PDE4D: variants seen among roughly 807,000 people sequenced by gnomAD.
PDE4D encodes the protein 3',5'-cyclic-AMP phosphodiesterase 4D.
A neutral mutation model predicts 87.4 loss-of-function variants in PDE4D; 24 were observed. The ratio of observed to expected loss-of-function variants is 0.27; its 90% CI spans 0.20 to 0.39. PDE4D has a LOEUF of 0.39. Among genes scored for constraint, PDE4D ranks in the 10% least tolerant of loss-of-function variants. The pLI is 1.00. For synonymous variants in PDE4D, 384 were observed against 383.2 expected, an observed-to-expected ratio of 1.00 and a Z score of -0.02; for missense variants, 714 against 1,041.0, an observed-to-expected ratio of 0.69 and a Z score of 4.32.
chr5:60,049,571 T>G (rs562121728), intron 2 of PDE4D, among the ~76,000 whole-genome samples: 86 of 152,300 alleles, frequency 5.6e-4, no homozygotes, highest in African/African-American at 2.0e-3. Context: ...TGTTTGTTAG[T>G]TTTCCTTCTA....
chr5:59,226,760 T>C (rs1027727701), intron 1 of PDE4D, among the ~76,000 whole-genome samples: 3 of 152,174 alleles, frequency 2.0e-5, no homozygotes, highest in Admixed American at 1.3e-4. Context: ...ATGAGGTCCA[T>C]ATTTGCAGTA....
intron 1 of PDE4D, among the ~76,000 whole-genome samples, chr5:59,243,983 T>C (rs764484282): frequency 1.3e-5 from 2 of 152,066 alleles, no homozygotes; most frequent in East Asian, 3.9e-4. Flanking sequence ...TGCCCAACAA[T>C]GAAAGAATGG....
At chr5:59,128,427 A>C (rs970114995) in intron 5 of PDE4D, among the ~76,000 whole-genome samples, 2 of 152,192 alleles carry the variant, frequency 1.3e-5, no homozygotes, top group African/African-American at 4.8e-5. Context: ...TCAAAAGCTG[A>C]ATTCACAAGG....
At chr5:59,929,163 A>C (rs1450595985) in intron 3 of PDE4D, among the ~76,000 whole-genome samples, 8 of 152,060 alleles carry the variant, frequency 5.3e-5, no homozygotes, top group Non-Finnish European at 1.0e-4. Flanking sequence ...TACACAGGTG[A>C]AGATGAATTT....
intron 2 of PDE4D, among the ~76,000 whole-genome samples, chr5:60,056,840 A>G (rs961532509): frequency 6.6e-6 from 1 of 152,068 alleles, no homozygotes; most frequent in Non-Finnish European, 1.5e-5. Flanking sequence ...ACATACACAC[A>G]CAAACATGAG....
intron 1 of PDE4D, among the ~76,000 whole-genome samples, chr5:59,322,275 A>G (rs1774857694): frequency 6.6e-6 from 1 of 152,124 alleles, no homozygotes; most frequent in South Asian, 2.1e-4. Flanking sequence ...TCATTCACTC[A>G]GTATTGCTGG....
At chr5:60,241,463 G>A (rs1029279234) in intron 1 of PDE4D, among the ~76,000 whole-genome samples, 4 of 151,846 alleles carry the variant, frequency 2.6e-5, no homozygotes, top group Admixed American at 6.6e-5. Flanking sequence ...TAGTAGAGAC[G>A]TGGTTTCACC....
chr5:59,112,198 T>C (rs1115728), intron 5 of PDE4D, among the ~76,000 whole-genome samples: 45,597 of 151,912 alleles, frequency 0.3, 7,525 homozygotes, highest in Middle Eastern at 0.43. Flanking sequence ...ACCAAGGTCT[T>C]AAAATGGAAG....
At chr5:60,149,639 G>A (rs1421354051) in intron 2 of PDE4D, among the ~76,000 whole-genome samples, 2 of 151,678 alleles carry the variant, frequency 1.3e-5, no homozygotes, top group Non-Finnish European at 2.9e-5. Flanking sequence ...TCTTCCAACT[G>A]GCCATTTAGA....
At chr5:59,456,142 G>T (rs1227365450) in intron 1 of PDE4D, among the ~76,000 whole-genome samples, 2 of 152,138 alleles carry the variant, frequency 1.3e-5, no homozygotes, top group East Asian at 1.9e-4. Flanking sequence ...GAGGATATGA[G>T]ATTTGGGAGG....
chr5:60,249,715 T>C (rs1443222701), intron 1 of PDE4D, among the ~76,000 whole-genome samples: 3 of 151,998 alleles, frequency 2.0e-5, no homozygotes, highest in South Asian at 2.1e-4. Context: ...TAGGCATACC[T>C]ACTTCTGAAA....
chr5:59,263,834 G>C (rs1561839781), intron 1 of PDE4D, among the ~76,000 whole-genome samples: 2 of 151,860 alleles, frequency 1.3e-5, no homozygotes, highest in Non-Finnish European at 2.9e-5. Flanking sequence ...GGTGGGGGCA[G>C]GGGCTTAAAG....
intron 1 of PDE4D, among the ~76,000 whole-genome samples, chr5:59,818,976 G>C (rs1310662160): frequency 6.6e-6 from 1 of 152,082 alleles, no homozygotes; most frequent in East Asian, 1.9e-4. Context: ...ATTTACTGTG[G>C]TCCCCAATGT....
intron 3 of PDE4D, among the ~76,000 whole-genome samples, chr5:59,969,774 C>T (rs1448461839): frequency 6.6e-6 from 1 of 152,152 alleles, no homozygotes; most frequent in Non-Finnish European, 1.5e-5. Flanking sequence ...TTGCTGCCAC[C>T]ACGTGAAGAA....
In PDE4D at chr5:58,975,113, G is replaced by A. The variant is rs867381088; in HGVS notation, c.2014-33C>T. 3.1e-6 allele frequency: 4 copies of A among 1,308,378 alleles called. No individual in the cohort carries two copies. Among genetic ancestry groups the A allele is most frequent in the Middle Eastern group, 2.0e-4 (1 of 4,924 alleles). 81.0% of individuals were successfully genotyped at this position (1,308,378 alleles called of 1,614,324 possible). A position where few individuals can be genotyped will look rare whatever the true frequency, so the allele number is the denominator to read the frequency against. On this transcript the variant is annotated intron_variant, in intron 14 of 14. Coordinates refer to ENST00000340635, the MANE Select transcript of PDE4D (RefSeq NM_001104631.2). This position sits in a 1 kb window ranked among gnomAD's most constrained non-coding sequence, Gnocchi z 4.2. ...AGAAAAAAATCCAGTATGAGTAGAGGACTTGGGACTAAGAAACAATGGAAA... is the reference window on the plus strand; with the variant it reads ...AGAAAAAAATCCAGTATGAGTAGAGAACTTGGGACTAAGAAACAATGGAAA...
At chr5:60,105,413 A>G (rs1283620719) in intron 2 of PDE4D, among the ~76,000 whole-genome samples, 1 of 152,240 alleles carries the variant, frequency 6.6e-6, no homozygotes, top group Non-Finnish European at 1.5e-5. Context: ...GATGGGGAGA[A>G]TGGAACCAAG....
chr5:60,115,653 G>A (rs1373505093), intron 2 of PDE4D, among the ~76,000 whole-genome samples: 1 of 151,974 alleles, frequency 6.6e-6, no homozygotes, highest in Non-Finnish European at 1.5e-5. Flanking sequence ...GCCAGTTAGT[G>A]ACAGAATTGC....
chr5:59,988,535 G>C (rs775626244), exon 3 of PDE4D: 23 of 1,599,128 alleles, frequency 1.4e-5, no homozygotes, highest in Admixed American at 1.2e-4. Context: ...GAATCTTCAG[G>C]GGGAGGCTGG....
intron 1 of PDE4D, among the ~76,000 whole-genome samples, chr5:60,272,026 A>G (rs1044531538): frequency 1.3e-5 from 2 of 152,242 alleles, no homozygotes; most frequent in Non-Finnish European, 2.9e-5. Context: ...AAGAATAAGC[A>G]TACTAGCTCC....
Sources: gnomAD v4.1 joint callset for allele counts (sites outside exome capture counted in the v4.1 genomes callset) on GRCh38, gnomAD v4.1.1 for gene constraint, Gnocchi (gnomAD v3.1) non-coding constraint, MANE v1.5 for transcripts, NCBI Gene and HGNC (gene_info 2026-07-23, HGNC 2026-07-21) for gene names.